Variants in ARL15 observed in about 807,000 individuals in gnomAD.
The protein encoded by ARL15 is ARF like GTPase 15, also known as ADP-ribosylation factor-like protein 15.
In ARL15, 19 loss-of-function variants were observed where a neutral mutation model predicts 25.2. That is an observed-to-expected ratio of 0.75 (90% CI 0.53 to 1.10). The LOEUF is 1.10. ARL15 is among the 50% of genes least tolerant of loss of function. The pLI, the probability that ARL15 is intolerant of heterozygous loss-of-function variation, is 0.00. For missense variants in ARL15, 220 were observed against 246.0 expected (o/e 0.89, Z 0.71); for synonymous variants, 94 against 86.8 (o/e 1.08, Z -0.46).
intron 1 of ARL15, among the ~76,000 whole-genome samples, chr5:54,295,956 A>C (rs1203471298): frequency 6.6e-6 from 1 of 152,216 alleles, no homozygotes; most frequent in Non-Finnish European, 1.5e-5. Flanking sequence ...GGCTCCAAAC[A>C]ATCACAGAAT....
At chr5:54,126,950 T>C (rs1367201758) in intron 3 of ARL15, among the ~76,000 whole-genome samples, 1 of 152,168 alleles carries the variant, frequency 6.6e-6, no homozygotes, top group Non-Finnish European at 1.5e-5. Flanking sequence ...GCTACACCCA[T>C]TAACTCATCA....
intron 1 of ARL15, among the ~76,000 whole-genome samples, chr5:54,208,360 T>C (rs975480937): frequency 4.6e-5 from 7 of 152,084 alleles, no homozygotes; most frequent in Non-Finnish European, 7.4e-5. Flanking sequence ...TATGCAGAAC[T>C]ATACAATGAG....
chr5:54,036,935 G>T (rs1407558738), intron 4 of ARL15, among the ~76,000 whole-genome samples: 1 of 151,944 alleles, frequency 6.6e-6, no homozygotes, highest in Non-Finnish European at 1.5e-5. Flanking sequence ...ATTTTTAAAT[G>T]GTAATTTACG....
chr5:54,305,718 A>G (rs1012366588), intron 1 of ARL15, among the ~76,000 whole-genome samples: 4 of 152,252 alleles, frequency 2.6e-5, no homozygotes, highest in African/African-American at 9.6e-5. Flanking sequence ...ATAACAATAT[A>G]CAGTAATAAA....
At chr5:54,275,910 G>A (rs959269070) in intron 1 of ARL15, among the ~76,000 whole-genome samples, 1 of 150,516 alleles carries the variant, frequency 6.6e-6, no homozygotes, top group African/African-American at 2.4e-5. Context: ...AGCCAGGATG[G>A]TCTCGATCTC....
intron 3 of ARL15, among the ~76,000 whole-genome samples, chr5:54,122,234 AT>A (rs1753103241): frequency 6.6e-6 from 1 of 152,170 alleles, no homozygotes; most frequent in Admixed American, 6.5e-5. Context: ...TGCTGTCTAG[AT>A]TTCTTCCCTT....
chr5:54,282,485 G>A (rs1469096), intron 1 of ARL15: 524,790 of 985,066 alleles, frequency 0.53, 148,164 homozygotes, highest in Non-Finnish European at 0.57. Flanking sequence ...TGTTTTCTAG[G>A]CTAGCTCAAA....
rs534666902 is a variant in ARL15, at chr5:54,231,659, G to A, written c.49-59731C>T. On this transcript the variant is annotated intron_variant, in intron 1 of 4. Transcript: ENST00000504924. ...GTATTTTCTCACAGTTCTGCAGGTC[G>A]GAAAGTCCAAGATCAAAGTTTGAGA... Among the ~76,000 whole-genome samples, 13 of 152,200 alleles carry A rather than the reference G, an allele frequency of 8.5e-5. No individual in the cohort carries two copies. In the South Asian group the frequency reaches 2.5e-3, roughly 29 times the overall value.
intron 2 of ARL15, among the ~76,000 whole-genome samples, chr5:54,165,539 C>T (rs1561249703): frequency 6.6e-6 from 1 of 151,164 alleles, no homozygotes; most frequent in African/African-American, 2.4e-5. Flanking sequence ...TGTCTTCTTA[C>T]TTGCATTTTT....
intron 4 of ARL15, among the ~76,000 whole-genome samples, chr5:54,085,237 A>ATAC (rs1751929905): frequency 6.6e-6 from 1 of 152,228 alleles, no homozygotes; most frequent in African/African-American, 2.4e-5. Context: ...GAATCAAAAG[A>ATAC]TACTACAGAA....
At chr5:53,900,329 G>C (rs1745023609) in intron 4 of ARL15, among the ~76,000 whole-genome samples, 1 of 152,096 alleles carries the variant, frequency 6.6e-6, no homozygotes, top group Non-Finnish European at 1.5e-5. Flanking sequence ...TGCAATCTGT[G>C]AACTTTTTAG....
At chr5:54,077,574 C>T (rs908340584) in intron 4 of ARL15, among the ~76,000 whole-genome samples, 12 of 152,198 alleles carry the variant, frequency 7.9e-5, no homozygotes, top group African/African-American at 2.9e-4. Flanking sequence ...ATGATGCTCA[C>T]TGTTCTAAGG....
chr5:53,936,839 T>A (rs1746362378), intron 4 of ARL15, among the ~76,000 whole-genome samples: 1 of 152,182 alleles, frequency 6.6e-6, no homozygotes, highest in South Asian at 2.1e-4. Context: ...AGAATTCTGG[T>A]TTCTTGCCCA....
At chr5:53,955,678 T>C (rs186637128) in intron 4 of ARL15, among the ~76,000 whole-genome samples, 1 of 152,282 alleles carries the variant, frequency 6.6e-6, no homozygotes, top group East Asian at 1.9e-4. Context: ...TTAAAAATGG[T>C]AGAAAAGCAC....
chr5:53,974,631 G>C (rs1035265925), intron 4 of ARL15, among the ~76,000 whole-genome samples: 15 of 152,102 alleles, frequency 9.9e-5, no homozygotes, highest in Non-Finnish European at 7.4e-5. Flanking sequence ...TCAATCACTT[G>C]ACAAATATTT....
At chr5:54,276,641 GT>G (rs1429150570) in intron 1 of ARL15, among the ~76,000 whole-genome samples, 1 of 152,078 alleles carries the variant, frequency 6.6e-6, no homozygotes, top group Non-Finnish European at 1.5e-5. Flanking sequence ...CTGTGAATAT[GT>G]TATCTTACAT....
At chr5:53,899,436 TATTG>T (rs1744993473) in intron 4 of ARL15, among the ~76,000 whole-genome samples, 1 of 151,646 alleles carries the variant, frequency 6.6e-6, no homozygotes, top group East Asian at 1.9e-4. Context: ...CTTTTGGTAT[TATTG>T]ATTTTCTCTA....
intron 4 of ARL15, among the ~76,000 whole-genome samples, chr5:53,967,194 G>A (rs1296471328): frequency 6.6e-6 from 1 of 151,990 alleles, no homozygotes; most frequent in Non-Finnish European, 1.5e-5. Flanking sequence ...GGTTTTTTTA[G>A]TTTAAAATTT....
intron 3 of ARL15, among the ~76,000 whole-genome samples, chr5:54,119,679 C>T (rs143873149): frequency 6.6e-6 from 1 of 152,150 alleles, no homozygotes; most frequent in African/African-American, 2.4e-5. Context: ...TCCTTAGATA[C>T]TCCACAAATG....
Sources: allele counts gnomAD v4.1 joint callset (sites outside exome capture counted in the v4.1 genomes callset), GRCh38; gene constraint gnomAD v4.1.1; transcripts MANE v1.5; gene names NCBI Gene and HGNC (gene_info 2026-07-23, HGNC 2026-07-21).